DENND4A: variants seen among roughly 807,000 people sequenced by gnomAD.
DENND4A encodes C-myc promoter-binding protein.
A neutral mutation model predicts 199.3 loss-of-function variants in DENND4A; 70 were observed. The observed-to-expected ratio is 0.35, with a 90% confidence interval of 0.29 to 0.43. DENND4A has a LOEUF of 0.43. Ranked by LOEUF, DENND4A falls within the 20% of genes least tolerant of loss-of-function variation. DENND4A has a pLI of 1.00. For missense variants in DENND4A, 1,723 were observed against 2,255.8 expected (o/e 0.76, Z 4.78); for synonymous variants, 686 against 766.9 (o/e 0.89, Z 1.74).
intron 11 of DENND4A, among the ~76,000 whole-genome samples, chr15:65,725,702 A>G (rs985531885): frequency 6.6e-6 from 1 of 151,986 alleles, no homozygotes; most frequent in Non-Finnish European, 1.5e-5. Context: ...AAAAAATAAA[A>G]AAAAGAACCA....
intron 1 of DENND4A, among the ~76,000 whole-genome samples, chr15:65,783,687 A>G (rs1031408667): frequency 8.5e-5 from 13 of 152,336 alleles, no homozygotes; most frequent in South Asian, 2.1e-4. Flanking sequence ...TACTCAAAAA[A>G]CAAAACAATG....
chr15:65,664,587 T>C lies in DENND4A; in HGVS notation c.5495A>G (p.Asn1832Ser), dbSNP rs374872390. 5.9e-5 allele frequency: 95 copies of C among 1,612,414 alleles called. No individual in the cohort carries two copies. The highest frequency in any genetic ancestry group is 1.7e-4 in the Middle Eastern group (1 of 6,038). Residue 1832 changes from asparagine to serine, a missense_variant, in exon 31 of 33, where the codon AAT becomes AGT. Transcript: ENST00000443035. ...GPMSQILETL[N>S]KCPHFKRQRS... ...CTGTCTTTTAAAATGTGGACACTTA[T>C]TCAGTGTCTCTAAAATCTGACTCAT...
At chr15:65,726,655 G>C (rs8041579) in intron 11 of DENND4A, among the ~76,000 whole-genome samples, 31,439 of 152,182 alleles carry the variant, frequency 0.21, 4,290 homozygotes, top group East Asian at 0.73. Flanking sequence ...TGACAAGACT[G>C]AGAACTAATC....
intron 15 of DENND4A, among the ~76,000 whole-genome samples, chr15:65,704,240 G>A (rs187542287): frequency 4.1e-4 from 63 of 152,222 alleles, no homozygotes; most frequent in Admixed American, 3.1e-3. Context: ...TTATGAGGCA[G>A]ACTCTGTGCT....
In DENND4A at chr15:65,665,543, T is replaced by C. The variant is rs1247512958; in HGVS notation, c.5242-81A>G. 5.5e-6 allele frequency: 6 copies of C among 1,098,904 alleles called. No homozygotes were observed. The East Asian group carries it at 1.6e-4, about 29-fold the overall frequency. The allele number at this position is 1,098,904 out of a possible 1,614,324, so 68.1% of individuals were successfully genotyped here. The stretch of plus-strand genomic sequence containing the variant: ...TATTTTATAAAATTCTTATAAATAT[T>C]TTTTAGGATGTATATGTGCGAGACA... On this transcript the variant is annotated intron_variant, in intron 29 of 32. Coordinates refer to ENST00000443035, the MANE Select transcript of DENND4A (RefSeq NM_001320835.1).
At position 65,694,278 on chromosome 15, in the gene DENND4A, G is replaced by A. The variant is rs184503249; in HGVS notation, c.3082+2088C>T. 3.2e-3 allele frequency among the ~76,000 whole-genome samples: 487 copies of A among 152,126 alleles called. 2 individuals carry two copies. Among genetic ancestry groups the A allele is most frequent in the Non-Finnish European group, 5.7e-3 (388 of 67,964 alleles). On this transcript the variant is annotated intron_variant, in intron 22 of 32. Coordinates refer to ENST00000443035, the MANE Select transcript of DENND4A (RefSeq NM_001320835.1). ...AGCTTGGCCAACATGGTGAAACTCC[G>A]TCTCTACTAAAAATACAAAAATTAG...
chr15:65,728,054 G>A (rs1455354831), intron 11 of DENND4A, among the ~76,000 whole-genome samples: 1 of 151,748 alleles, frequency 6.6e-6, no homozygotes, highest in Non-Finnish European at 1.5e-5. Context: ...CGTTACCCAG[G>A]CTGGAAAGCA....
At chr15:65,733,989 T>C (rs1217072964) in intron 7 of DENND4A, among the ~76,000 whole-genome samples, 1 of 152,218 alleles carries the variant, frequency 6.6e-6, no homozygotes, top group African/African-American at 2.4e-5. Context: ...CCAGGTATTG[T>C]CCAAGGTTTC....
chr15:65,689,071 C>T (rs556468303), intron 23 of DENND4A, among the ~76,000 whole-genome samples: 119 of 152,290 alleles, frequency 7.8e-4, no homozygotes, highest in Admixed American at 3.4e-3. Context: ...CATAGTTTCT[C>T]TTCAGAAGAC....
intron 1 of DENND4A, among the ~76,000 whole-genome samples, chr15:65,770,058 G>A (rs1005009821): frequency 5.9e-5 from 9 of 151,956 alleles, no homozygotes; most frequent in African/African-American, 2.2e-4. Context: ...TTTAAAGGAG[G>A]ACTTGCTTTA....
intron 31 of DENND4A, 39 bp from the exon 32 acceptor site, chr15:65,664,433 T>C: frequency 1.3e-6 from 2 of 1,523,470 alleles, no homozygotes; most frequent in Non-Finnish European, 1.8e-6. Context: ...TTAGTATCCA[T>C]ATAGTCCATA....
chr15:65,764,670 A>G (rs1334094052), intron 1 of DENND4A, among the ~76,000 whole-genome samples: 1 of 151,650 alleles, frequency 6.6e-6, no homozygotes, highest in Non-Finnish European at 1.5e-5. Flanking sequence ...TTTTTAAAAG[A>G]AATTAAAAAA....
At chr15:65,667,752 G>T in intron 28 of DENND4A, 49 bp from the exon 29 acceptor site, 1 of 1,559,060 alleles carries the variant, frequency 6.4e-7, no homozygotes, top group Non-Finnish European at 8.6e-7. Flanking sequence ...ATAATACTAA[G>T]CCATTAAAAA....
In DENND4A at chr15:65,691,326, T is replaced by C. The variant is rs760421104; in HGVS notation, c.3268A>G (p.Arg1090Gly). Residue 1090 changes from arginine to glycine, a missense_variant, in exon 23 of 33, where the codon AGA (arginine) becomes GGA (glycine). Physicochemically the swap from Arg to Gly is moderately radical, Grantham distance 125. Coordinates refer to ENST00000443035, the MANE Select transcript of DENND4A (RefSeq NM_001320835.1). ...GGVLMGFMLN[R>G]INQEATPGDI... ...CCAGGGGTTGCTTCCTGGTTAATTC[T>C]ATTGAGCATAAATCCCATCAGTACC... The C allele has an allele frequency of 1.2e-6, 2 of 1,613,580 alleles. No individual in the cohort carries two copies. The highest frequency in any genetic ancestry group is 2.2e-5 in the East Asian group (1 of 44,870).
rs1469237807 is a variant in DENND4A, at chr15:65,729,632, C to A, written c.1213G>T (p.Ala405Ser). 3 of 1,569,180 alleles carry A rather than the reference C, an allele frequency of 1.9e-6. No homozygotes were observed. The African/African-American group carries it at 4.1e-5, about 21-fold the overall frequency. Reference protein sequence around the residue: ...TLLQNLGPENAVTLLVFAVTE... With the variant: ...TLLQNLGPENSVTLLVFAVTE... ...ACTGCAAACACCAGTAGTGTCACAG[C>A]ATTTTCAGGGCCTAAATTCTGCAGT... is the stretch of plus-strand genomic sequence containing the variant. The change falls in exon 10 of 33, where the codon GCT becomes TCT. Residue 405 changes from alanine to serine, a missense_variant. By Grantham distance (99) the Ala-to-Ser change is moderately conservative. Around this residue, in one of 6 missense-constraint regions of DENND4A, gnomAD observed 725 missense variants for 952.9 expected, o/e 0.76. Transcript: ENST00000443035.
At chr15:65,696,222 G>A in intron 22 of DENND4A, 144 bp downstream of exon 22, 1 of 989,852 alleles carries the variant, frequency 1.0e-6, no homozygotes, top group Non-Finnish European at 1.4e-6. Flanking sequence ...TAGAACTCAA[G>A]TTACTAAGCT....
At chr15:65,745,450 T>C (rs2140514287) in intron 4 of DENND4A, among the ~76,000 whole-genome samples, 1 of 152,276 alleles carries the variant, frequency 6.6e-6, no homozygotes. Flanking sequence ...TTAAAGCATT[T>C]ATAAAAATAA....
At position 65,739,020 on chromosome 15, in the gene DENND4A, T is replaced by C. The variant is rs2076182753; in HGVS notation, c.632-145A>G. On this transcript the variant is annotated intron_variant, in intron 5 of 32. Transcript: ENST00000443035. ...GTTCATCAAATAACACTGAATACTTTGGTAGGATTCATAGAGATTTTAATC... is the reference window on the plus strand; with the variant it reads ...GTTCATCAAATAACACTGAATACTTCGGTAGGATTCATAGAGATTTTAATC... 5 of 565,998 alleles carry C rather than the reference T, an allele frequency of 8.8e-6. No individual in the cohort carries two copies. In the South Asian group the frequency reaches 1.9e-4, roughly 21 times the overall value. The allele number at this position is 565,998 out of a possible 1,614,324, so 35.1% of individuals were successfully genotyped here. A position where few individuals can be genotyped will look rare whatever the true frequency, so the allele number is the denominator to read the frequency against.
chr15:65,768,777 G>A lies in DENND4A; in HGVS notation c.-101-7339C>T, dbSNP rs530308407. ...GCAGGTAGATTACCTGAGGTTAGGA[G>A]TTCAGGACCAGCCTGGCCAACATGG... On this transcript the variant is annotated intron_variant, in intron 1 of 32. Transcript: ENST00000443035. Among the ~76,000 whole-genome samples, 22 of 152,122 alleles carry A rather than the reference G, an allele frequency of 1.4e-4. No homozygotes were observed. In the South Asian group the frequency reaches 4.6e-3, roughly 32 times the overall value.
Sources: gnomAD v4.1 joint callset for allele counts (sites outside exome capture counted in the v4.1 genomes callset) on GRCh38, gnomAD v4.1.1 for gene constraint, gnomAD v4.1.1 regional missense constraint, MANE v1.5 for transcripts, NCBI Gene and HGNC (gene_info 2026-07-23, HGNC 2026-07-21) for gene names.